The following TPO variants were observed in gnomAD, a reference collection of about 807,000 sequenced individuals.
TPO encodes the protein thyroid peroxidase, also known as thyroid microsomal antigen.
A neutral mutation model predicts 96.9 loss-of-function variants in TPO; 78 were observed. The ratio of observed to expected loss-of-function variants is 0.81; its 90% CI spans 0.67 to 0.97. The LOEUF (loss-of-function observed/expected upper bound fraction) is 0.97, where lower values mean the gene tolerates loss of function less well. Ranked by LOEUF, TPO falls within the 50% of genes least tolerant of loss-of-function variation. The pLI, the probability that TPO is intolerant of heterozygous loss-of-function variation, is 0.00. For synonymous variants in TPO, 547 were observed against 538.0 expected, an observed-to-expected ratio of 1.02 and a Z score of -0.23; for missense variants, 1,252 against 1,274.8, an observed-to-expected ratio of 0.98 and a Z score of 0.27.
intron 15 of TPO, among the ~76,000 whole-genome samples, chr2:1,528,910 G>GAAT (rs1677295489): frequency 2.4e-5 from 2 of 84,088 alleles, no homozygotes; most frequent in Non-Finnish European, 4.4e-5. Flanking sequence ...ACCTCCTCAC[G>GAAT]TCCCCCACTG....
At position 1,537,514 on chromosome 2, in the gene TPO, C is replaced by G. The variant is rs56090608; in HGVS notation, c.2619-3080C>G. On this transcript the variant is annotated intron_variant, in intron 15 of 16. Coordinates refer to ENST00000329066, the MANE Select transcript of TPO (RefSeq NM_001206744.2). ...GCAGCCTCCCCAAATCCCCCCAACT[C>G]TGTGCAACCTCCGCCTATCCCCCCC... is the stretch of plus-strand genomic sequence containing the variant. Among the ~76,000 whole-genome samples, 224 of 44,808 alleles carry G rather than the reference C, an allele frequency of 5.0e-3. 4 individuals are homozygous for G. Among genetic ancestry groups the G allele is most frequent in the African/African-American group, 0.019 (150 of 8,094 alleles). The allele number at this position is 44,808 out of a possible 152,430, so 29.4% of individuals were successfully genotyped here.
In TPO at chr2:1,384,925, C is replaced by T. The variant is rs531762794; in HGVS notation, n.180+10523C>T. ...TATTGAGAGTTTTTAGCATGAAAGG[C>T]TGTTGAATTTTGTCAAAGGCCTTTT... is the stretch of plus-strand genomic sequence containing the variant. On this transcript the variant is annotated intron_variant and non_coding_transcript_variant, in intron 1 of 5. Transcript: ENST00000497517. Among the ~76,000 whole-genome samples, 592 of 149,680 alleles carry T rather than the reference C, an allele frequency of 4.0e-3. 4 individuals carry two copies. Among genetic ancestry groups the T allele is most frequent in the Non-Finnish European group, 5.3e-3 (354 of 67,356 alleles).
chr2:1,504,227 G>A, intron 14 of TPO, 148 bp downstream of exon 14: 1 of 1,444,812 alleles, frequency 6.9e-7, no homozygotes, highest in South Asian at 1.2e-5. Flanking sequence ...GTGCCCGAGG[G>A]GCGTCTGCGC....
At chr2:1,477,978 G>T (rs1231999014) in intron 8 of TPO, 2 of 985,294 alleles carry the variant, frequency 2.0e-6, no homozygotes, top group Non-Finnish European at 2.4e-6. Context: ...GGTGCGCACA[G>T]CCAAGCTACG....
chr2:1,493,217 G>T (rs1402638930), intron 10 of TPO, among the ~76,000 whole-genome samples: 1 of 118,494 alleles, frequency 8.4e-6, no homozygotes, highest in African/African-American at 3.1e-5. Context: ...GGTGGGGGGG[G>T]GGGTGCTGGC....
intron 1 of TPO, among the ~76,000 whole-genome samples, chr2:1,402,546 G>A (rs1318258366): frequency 6.6e-6 from 1 of 152,166 alleles, no homozygotes; most frequent in African/African-American, 2.4e-5. Flanking sequence ...TTATATAAAG[G>A]AAAAGAGGGT....
chr2:1,467,969 T>G (rs1669060717), intron 7 of TPO, among the ~76,000 whole-genome samples: 2 of 145,098 alleles, frequency 1.4e-5, no homozygotes, highest in African/African-American at 5.1e-5. Flanking sequence ...TAACCACTGT[T>G]GCTTTAAAGT....
chr2:1,517,912 C>T (rs1022752356), intron 15 of TPO, among the ~76,000 whole-genome samples: 18 of 152,106 alleles, frequency 1.2e-4, no homozygotes, highest in African/African-American at 3.9e-4. Context: ...CACAGTTTCT[C>T]GGCTTCTGCT....
chr2:1,537,641 GATCCCCCCCAATGTGTGCAACCTCCGCAA>G (rs1680119580), intron 15 of TPO, among the ~76,000 whole-genome samples: 2 of 69,494 alleles, frequency 2.9e-5, no homozygotes, highest in Admixed American at 4.4e-4. Context: ...AACATCCCCA[GATCCCCCCCAATGTGTGCAACCTCCGCAA>G]ATCCCCCTAC....
intron 13 of TPO, among the ~76,000 whole-genome samples, chr2:1,501,600 T>C (rs1672881669): frequency 1.3e-5 from 2 of 152,280 alleles, no homozygotes; most frequent in South Asian, 4.2e-4. Flanking sequence ...AAGCAAGGCC[T>C]TTGCAGGTGC....
At chr2:1,519,243 C>G (rs918227164) in intron 15 of TPO, among the ~76,000 whole-genome samples, 1 of 152,222 alleles carries the variant, frequency 6.6e-6, no homozygotes, top group Non-Finnish European at 1.5e-5. Flanking sequence ...TAATGAAGTG[C>G]TATGATTGTG....
At chr2:1,517,493 C>T (rs1437656278) in intron 15 of TPO, among the ~76,000 whole-genome samples, 2 of 152,268 alleles carry the variant, frequency 1.3e-5, no homozygotes, top group African/African-American at 2.4e-5. Flanking sequence ...AAGAGCCCCT[C>T]GAGGCTTCCT....
exon 1 of TPO, chr2:1,374,265 C>T (rs905704435): frequency 6.6e-6 from 1 of 152,226 alleles, no homozygotes; most frequent in Non-Finnish European, 1.5e-5. Context: ...TGGAAACACG[C>T]ACCCAGCTCA....
chr2:1,400,568 C>CAAAAA (rs34242408), intron 1 of TPO, among the ~76,000 whole-genome samples: 17 of 71,534 alleles, frequency 2.4e-4, no homozygotes, highest in Admixed American at 3.7e-4. Context: ...GACTCTGTCT[C>CAAAAA]AAAAAAAAAA....
chr2:1,495,944 G>T lies in TPO; in HGVS notation c.2007-45G>T, dbSNP rs932143165. On this transcript the variant is annotated intron_variant, in intron 11 of 16. Transcript: ENST00000329066. ...CTGGTCTTGAGTGCCTGCCCTGGGG[G>T]TTCTCCATGCACTGTGACCTTACTC... 5.0e-6 allele frequency: 8 copies of T among 1,591,194 alleles called. No homozygotes were observed. The African/African-American group carries it at 8.1e-5, about 16-fold the overall frequency.
intron 2 of TPO, among the ~76,000 whole-genome samples, chr2:1,418,697 A>T (rs923187118): frequency 1.3e-5 from 2 of 152,360 alleles, no homozygotes. Flanking sequence ...ATGTGCAATT[A>T]TCTTTATGGC....
chr2:1,521,840 GC>G (rs1418407859), intron 15 of TPO, among the ~76,000 whole-genome samples: 1 of 151,948 alleles, frequency 6.6e-6, no homozygotes, highest in Non-Finnish European at 1.5e-5. Flanking sequence ...GCTGTTCCCA[GC>G]CTGGTCACAC....
intron 9 of TPO, among the ~76,000 whole-genome samples, chr2:1,486,883 G>C (rs1004586358): frequency 6.6e-6 from 1 of 152,126 alleles, no homozygotes; most frequent in Non-Finnish European, 1.5e-5. Flanking sequence ...TGCACCAGAG[G>C]GGCAAGGGCC....
chr2:1,430,407 A>C (rs1664860349), intron 3 of TPO, among the ~76,000 whole-genome samples: 1 of 152,262 alleles, frequency 6.6e-6, no homozygotes, highest in Non-Finnish European at 1.5e-5. Flanking sequence ...CCTAGTGCCC[A>C]GGTAGAAGCC....
Sources: gnomAD v4.1 joint callset for allele counts (sites outside exome capture counted in the v4.1 genomes callset) on GRCh38, gnomAD v4.1.1 for gene constraint, MANE v1.5 for transcripts, NCBI Gene and HGNC (gene_info 2026-07-23, HGNC 2026-07-21) for gene names.